EIF3A: variants seen among roughly 807,000 people sequenced by gnomAD.
The protein encoded by EIF3A is eukaryotic translation initiation factor 3 subunit A.
Under a neutral mutation model 186.6 loss-of-function variants are expected in EIF3A, and 21 were observed. The ratio of observed to expected loss-of-function variants is 0.11; its 90% CI spans 0.08 to 0.16. EIF3A has a LOEUF of 0.16. Among genes scored for constraint, EIF3A ranks in the 10% least tolerant of loss-of-function variants. The pLI is 1.00. For missense variants in EIF3A, 1,306 were observed against 1,796.3 expected (o/e 0.73, Z 4.93); for synonymous variants, 563 against 584.3 (o/e 0.96, Z 0.52).
chr10:119,059,324 G>T lies in EIF3A; in HGVS notation c.1517C>A (p.Pro506Gln), dbSNP rs535803217. The change falls in exon 11 of 22, where the codon CCG (proline) becomes CAG (glutamine). Residue 506 changes from proline to glutamine, a missense_variant. Coordinates refer to ENST00000369144, the MANE Select transcript of EIF3A (RefSeq NM_003750.4). ...CATGCTTTGCAAATGAGGACCAATCGGAGCATCTTCTCGAGTAGCATAATT... is the reference window on the plus strand; with the variant it reads ...CATGCTTTGCAAATGAGGACCAATCTGAGCATCTTCTCGAGTAGCATAATT... ...DLNYATREDA[P>Q]IGPHLQSMPS... 1 of 1,613,170 alleles carries T rather than the reference G, an allele frequency of 6.2e-7. No homozygotes were observed. Among genetic ancestry groups the T allele is most frequent in the East Asian group, 2.2e-5 (1 of 44,886 alleles).
At chr10:119,058,335 C>A in intron 11 of EIF3A, 32 bp from the exon 12 acceptor site, 2 of 1,429,968 alleles carry the variant, frequency 1.4e-6, no homozygotes, top group South Asian at 1.3e-5. Context: ...TTTACATGAC[C>A]AAAATTAACA....
In EIF3A at chr10:119,059,666, G is replaced by A. The variant is rs1380842080; in HGVS notation, c.1379C>T (p.Pro460Leu). The A allele has an allele frequency of 6.8e-6, 11 of 1,614,102 alleles. No homozygotes were observed. The highest frequency in any genetic ancestry group is 9.3e-6 in the Non-Finnish European group (11 of 1,180,006). Reference protein sequence around the residue: ...IEFSRLTSLVPFVDAFQLERA... With the variant: ...IEFSRLTSLVLFVDAFQLERA... ...TTCCAGTTGGAAAGCATCAACAAAA[G>A]GAACCAAAGAAGTCAAACGAGAAAA... Residue 460 changes from proline to leucine, a missense_variant, in exon 10 of 22, where the codon CCT becomes CTT. This residue lies in a region of EIF3A where 267 missense variants were observed against 367.8 expected (regional missense o/e 0.73). Transcript: ENST00000369144.
At chr10:119,050,337 G>A (rs1190805955) in intron 16 of EIF3A, among the ~76,000 whole-genome samples, 184 bp downstream of exon 16, 1 of 152,124 alleles carries the variant, frequency 6.6e-6, no homozygotes, top group East Asian at 1.9e-4. Context: ...CAAATGTGTG[G>A]GGAAATGCTG....
chr10:119,071,127 T>A (rs766327443), intron 4 of EIF3A, 42 bp from the exon 5 acceptor site: 1 of 1,346,166 alleles, frequency 7.4e-7, no homozygotes, highest in Admixed American at 1.7e-5. Context: ...CCTTCCACTA[T>A]CTACTTAAAT....
chr10:119,061,296 TG>T lies in EIF3A; in HGVS notation c.1154del (p.Pro385GlnfsTer3). 6.3e-7 allele frequency: 1 copy of T among 1,589,916 alleles called. No homozygotes were observed. The highest frequency in any genetic ancestry group is 8.6e-7 in the Non-Finnish European group (1 of 1,162,968). On this transcript the variant is annotated frameshift_variant, in exon 8 of 22. Transcript: ENST00000369144. LOFTEE classifies it high-confidence loss of function. The stretch of plus-strand genomic sequence containing the variant: ...GCCAATTGTAAAGGTCTTTCACTTC[TG>T]GGACAACATATTGTAGTACATTAAA... ...VRFNVLQYVV[P>X]EVKDLYNWLE...
chr10:119,059,904 C>T (rs1276745250), intron 9 of EIF3A, 186 bp from the exon 10 acceptor site: 2 of 634,042 alleles, frequency 3.2e-6, no homozygotes, highest in Non-Finnish European at 5.7e-6. Flanking sequence ...GAACCATTAT[C>T]ATACTATTCC....
intron 1 of EIF3A, among the ~76,000 whole-genome samples, chr10:119,078,793 G>A (rs1029435871): frequency 1.3e-5 from 2 of 151,838 alleles, no homozygotes; most frequent in African/African-American, 4.8e-5. Context: ...TGTCAATTTA[G>A]AAACAGGAAA....
rs888224570 is a variant in EIF3A at position 119,071,101 on chromosome 10, T to C, written c.542-16A>G. Reference sequence around the variant, plus strand: ...AATTTGAAAGCTATAAGCATAATTGTAAAATATATTAGGTACCTTCCACTA... The same window carrying C: ...AATTTGAAAGCTATAAGCATAATTGCAAAATATATTAGGTACCTTCCACTA... On this transcript the variant is annotated splice_polypyrimidine_tract_variant and intron_variant, in intron 4 of 21. Transcript: ENST00000369144. 20 of 1,562,150 alleles carry C rather than the reference T, an allele frequency of 1.3e-5. No individual in the cohort carries two copies. The highest frequency in any genetic ancestry group is 1.5e-5 in the Non-Finnish European group (17 of 1,133,050).
At chr10:119,037,067 C>CG (rs1021494032) in intron 21 of EIF3A, 52 bp downstream of exon 21, 17 of 819,480 alleles carry the variant, frequency 2.1e-5, no homozygotes, top group South Asian at 1.8e-4. Flanking sequence ...AAATCCCCCC[C>CG]CCCCCAGAAA....
intron 16 of EIF3A, 45 bp from the exon 17 acceptor site, chr10:119,050,030 T>C: frequency 1.3e-6 from 2 of 1,578,712 alleles, no homozygotes; most frequent in Non-Finnish European, 1.7e-6. Flanking sequence ...CAGCCATATC[T>C]TCCCCCTAGT....
intron 17 of EIF3A, 115 bp downstream of exon 17, chr10:119,049,686 G>A: frequency 1.2e-6 from 1 of 843,236 alleles, no homozygotes; most frequent in East Asian, 2.5e-5. Context: ...CGGGGGCTGA[G>A]ATTGCACCAC....
At chr10:119,078,386 CTTAAAT>C (rs1420511013) in intron 1 of EIF3A, among the ~76,000 whole-genome samples, 3 of 133,454 alleles carry the variant, frequency 2.2e-5, no homozygotes, top group Non-Finnish European at 5.3e-5. Context: ...GACTATTCTA[CTTAAAT>C]TTATTTACAT....
chr10:119,071,201 CATT>C, intron 4 of EIF3A, 116 bp from the exon 5 acceptor site: 2 of 744,888 alleles, frequency 2.7e-6, no homozygotes, highest in Non-Finnish European at 2.2e-6. Flanking sequence ...CCAAACTCAT[CATT>C]AGTCTTTGTG....
chr10:119,040,781 CG>C (rs1466722155), intron 19 of EIF3A, among the ~76,000 whole-genome samples: 1 of 151,140 alleles, frequency 6.6e-6, no homozygotes, highest in Non-Finnish European at 1.5e-5. Context: ...CTGAGGCAGG[CG>C]GATCAAGAGG....
intron 20 of EIF3A, 107 bp from the exon 21 acceptor site, chr10:119,037,416 CAGTTT>C (rs1848148151): frequency 2.0e-6 from 2 of 985,982 alleles, no homozygotes. Flanking sequence ...ATATAACAGA[CAGTTT>C]AAACTCATAA....
chr10:119,042,665 G>A lies in EIF3A; in HGVS notation c.2855C>T (p.Pro952Leu). 1 of 1,614,168 alleles carries A rather than the reference G, an allele frequency of 6.2e-7. No homozygotes were observed. The change falls in exon 19 of 22, where the codon CCA becomes CTA. Residue 952 changes from proline to leucine, a missense_variant. Coordinates refer to ENST00000369144, the MANE Select transcript of EIF3A (RefSeq NM_003750.4). The surrounding 1 kb of genome is among the most constrained non-coding windows in gnomAD (Gnocchi z 7.8). ...ACGCCGGGGAACCCGATCATCGTCT[G>A]GTCTAAGAGAGGGCTCTCTATCTTC... ...DDEDREPSLR[P>L]DDDRVPRRGM...
At chr10:119,064,469 CATGAT>C (rs1843939431) in intron 7 of EIF3A, among the ~76,000 whole-genome samples, 2 of 152,278 alleles carry the variant, frequency 1.3e-5, no homozygotes, top group South Asian at 2.1e-4. Context: ...GGCCCATCCT[CATGAT>C]AAGAGTTCTC....
chr10:119,056,639 G>C (rs890392981), intron 14 of EIF3A, 101 bp downstream of exon 14: 1 of 763,790 alleles, frequency 1.3e-6, no homozygotes, highest in Non-Finnish European at 2.1e-6. Flanking sequence ...ACCATTTCTA[G>C]CAGAAGAATA....
chr10:119,070,179 T>C (rs1173577740), intron 5 of EIF3A, among the ~76,000 whole-genome samples: 1 of 152,184 alleles, frequency 6.6e-6, no homozygotes, highest in African/African-American at 2.4e-5. Flanking sequence ...ATAATTTCAA[T>C]CAAATATTGT....
Sources: gnomAD v4.1 joint callset for allele counts (sites outside exome capture counted in the v4.1 genomes callset) on GRCh38, gnomAD v4.1.1 for gene constraint, gnomAD v4.1.1 regional missense constraint, Gnocchi (gnomAD v3.1) non-coding constraint, MANE v1.5 for transcripts, NCBI Gene and HGNC (gene_info 2026-07-23, HGNC 2026-07-21) for gene names.